Variants in PFKFB1 observed in about 807,000 individuals in gnomAD.
PFKFB1 encodes the protein 6-phosphofructo-2-kinase/fructose-2,6-bisphosphatase 1.
PFKFB1 carries 34 observed loss-of-function variants against 46.4 expected under a neutral mutation model. The ratio of observed to expected loss-of-function variants is 0.73; its 90% CI spans 0.56 to 0.98. PFKFB1 has a LOEUF of 0.98. Among genes scored for constraint, PFKFB1 ranks in the 50% least tolerant of loss-of-function variants. The pLI is 0.00. For synonymous variants in PFKFB1, 119 were observed against 133.8 expected (o/e 0.89, Z 0.76); for missense variants, 393 against 376.3 (o/e 1.04, Z -0.37).
At chrX:54,939,252 A>G (rs1390539758) in intron 10 of PFKFB1, among the ~76,000 whole-genome samples, 1 of 111,786 alleles carries the variant, frequency 8.9e-6, no homozygotes, top group African/African-American at 3.3e-5. Context: ...CAGTGTGTAC[A>G]GGGAAATTTA....
chrX:54,998,511 G>A, upstream of PFKFB1: 1 of 878,800 alleles, frequency 1.1e-6, no homozygotes, highest in Non-Finnish European at 1.6e-6. Context: ...CAAAGAGGAA[G>A]CCTGGAGGTG....
chrX:54,933,365 C>G lies in PFKFB1; in HGVS notation c.*38G>C, dbSNP rs1245743786. ...GATAGCATTTCCTAAAGGTGGAAGG[C>G]GATGAGGACACAGGCAGTTTGACTT... is the stretch of plus-strand genomic sequence containing the variant. On this transcript the variant is annotated 3_prime_UTR_variant, in exon 14 of 14. Coordinates refer to ENST00000375006, the MANE Select transcript of PFKFB1 (RefSeq NM_002625.4). 1.8e-6 allele frequency: 2 copies of G among 1,097,971 alleles called. No individual in the cohort carries two copies. The highest frequency in any genetic ancestry group is 2.5e-6 in the Non-Finnish European group (2 of 792,129). The allele number at this position is 1,097,971 out of a possible 1,213,427, so 90.5% of individuals were successfully genotyped here.
chrX:54,958,259 C>T (rs201396525), intron 6 of PFKFB1, 47 bp downstream of exon 6: 1 of 843,741 alleles, frequency 1.2e-6, no homozygotes, highest in East Asian at 3.2e-5. Context: ...TAGGCATGAT[C>T]TAAGCCTAAG....
chrX:54,965,311 G>A (rs1934444409), intron 1 of PFKFB1, among the ~76,000 whole-genome samples: 2 of 111,242 alleles, frequency 1.8e-5, no homozygotes, highest in African/African-American at 6.5e-5. Context: ...GGAAGAAGGC[G>A]GTAGGTGGGG....
rs771262197 is a variant in PFKFB1 at position 54,933,453 on chromosome X, T to C, written c.1366A>G (p.Ile456Val). 8.3e-7 allele frequency: 1 copy of C among 1,207,093 alleles called. No individual in the cohort carries two copies. Among genetic ancestry groups the C allele is most frequent in the Non-Finnish European group, 1.1e-6 (1 of 891,350 alleles). ...THREKPENVD[I>V]TREPEEALDT... ...AGGGCTTCCTCAGGTTCCCGGGTGA[T>C]GTCCACATTCTGAGGAGAGAGCGCA... The change falls in exon 14 of 14, where the codon ATC (isoleucine) becomes GTC (valine). Residue 456 changes from isoleucine (I) to valine (V), a missense_variant. By Grantham distance (29) the Ile-to-Val change is conservative. Transcript: ENST00000375006.
At chrX:54,942,162 A>G (rs1305532856) in intron 10 of PFKFB1, among the ~76,000 whole-genome samples, 1 of 111,134 alleles carries the variant, frequency 9.0e-6, no homozygotes, top group African/African-American at 3.3e-5. Context: ...CAAACACCAC[A>G]TATTCTCGCT....
intron 6 of PFKFB1, among the ~76,000 whole-genome samples, chrX:54,956,855 C>T (rs1432243045): frequency 9.0e-6 from 1 of 110,618 alleles, no homozygotes; most frequent in African/African-American, 3.3e-5. Context: ...TCCACTCTAT[C>T]ATCTCCTCTA....
chrX:54,972,260 G>C (rs1020285001), intron 1 of PFKFB1, among the ~76,000 whole-genome samples: 1 of 110,344 alleles, frequency 9.1e-6, no homozygotes, highest in African/African-American at 3.3e-5. Context: ...GGGTTTTCTA[G>C]ATATACAATC....
At chrX:54,937,430 T>C (rs1933439954) in intron 11 of PFKFB1, among the ~76,000 whole-genome samples, 165 bp downstream of exon 11, 1 of 112,171 alleles carries the variant, frequency 8.9e-6, no homozygotes, top group South Asian at 3.7e-4. Flanking sequence ...GTTAAAGAAA[T>C]TTGTGAAAGG....
chrX:54,948,334 C>T (rs1034888855), intron 9 of PFKFB1, among the ~76,000 whole-genome samples: 7 of 112,421 alleles, frequency 6.2e-5, no homozygotes, highest in Non-Finnish European at 1.3e-4. Context: ...CAACTTCTTA[C>T]TGGTCTACTT....
chrX:54,991,236 TAC>T (rs1935230077), intron 1 of PFKFB1, among the ~76,000 whole-genome samples: 1 of 111,578 alleles, frequency 9.0e-6, no homozygotes, highest in South Asian at 3.7e-4. Flanking sequence ...GAAAAACAAA[TAC>T]AGTTGTATAC....
intron 12 of PFKFB1, 57 bp from the exon 13 acceptor site, chrX:54,933,942 C>T: frequency 1.0e-6 from 1 of 961,237 alleles, no homozygotes; most frequent in Non-Finnish European, 1.5e-6. Context: ...CAGGTCTTCC[C>T]TGAGGTATCA....
At chrX:54,986,760 C>T (rs1375235623) in intron 1 of PFKFB1, among the ~76,000 whole-genome samples, 1 of 111,529 alleles carries the variant, frequency 9.0e-6, no homozygotes, top group Non-Finnish European at 1.9e-5. Context: ...CAAACATGCT[C>T]CAAGAGAGAC....
chrX:54,958,408 G>T, intron 5 of PFKFB1, 46 bp from the exon 6 acceptor site: 1 of 832,045 alleles, frequency 1.2e-6, no homozygotes, highest in Non-Finnish European at 1.8e-6. Context: ...AATTATGTTT[G>T]GTAGGAGCTG....
chrX:54,981,376 G>A (rs984487068), intron 1 of PFKFB1, among the ~76,000 whole-genome samples: 4 of 111,551 alleles, frequency 3.6e-5, no homozygotes, highest in Non-Finnish European at 7.6e-5. Context: ...AATTAGATTC[G>A]CAGTTGACTT....
At chrX:54,941,100 T>C (rs1158456121) in intron 10 of PFKFB1, among the ~76,000 whole-genome samples, 2 of 111,646 alleles carry the variant, frequency 1.8e-5, no homozygotes, top group Non-Finnish European at 3.8e-5. Flanking sequence ...TATCTACAAC[T>C]ATCTGATCTT....
intron 1 of PFKFB1, 41 bp downstream of exon 1, chrX:54,993,870 C>T: frequency 8.5e-7 from 1 of 1,175,407 alleles, no homozygotes; most frequent in South Asian, 1.9e-5. Flanking sequence ...ACCCACTCTA[C>T]CACCACCACC....
At chrX:54,949,805 A>G (rs1418529243) in intron 8 of PFKFB1, among the ~76,000 whole-genome samples, 4 of 112,753 alleles carry the variant, frequency 3.5e-5, no homozygotes, top group Non-Finnish European at 7.5e-5. Context: ...CTAGACAAAA[A>G]GGGCAAAGAA....
intron 1 of PFKFB1, among the ~76,000 whole-genome samples, chrX:54,970,208 C>T (rs930444473): frequency 2.7e-5 from 3 of 111,352 alleles, no homozygotes; most frequent in South Asian, 3.8e-4. Context: ...TGCAGCCGGC[C>T]CAAAATCTAT....
Sources: allele counts gnomAD v4.1 joint callset (sites outside exome capture counted in the v4.1 genomes callset), GRCh38; gene constraint gnomAD v4.1.1; transcripts MANE v1.5; gene names NCBI Gene and HGNC (gene_info 2026-07-23, HGNC 2026-07-21).